MBTPS2: variants seen among roughly 807,000 people sequenced by gnomAD.
MBTPS2 encodes the protein membrane bound transcription factor peptidase, site 2.
MBTPS2 carries 2 observed loss-of-function variants against 35.4 expected under a neutral mutation model. The observed-to-expected ratio is 0.06, with a 90% CI of 0.02 to 0.18. The LOEUF is 0.18. MBTPS2 is among the 10% of genes least tolerant of loss of function. The probability of loss-of-function intolerance (pLI) is 1.00; values close to 1 mark genes in which losing one functional copy is unlikely to be tolerated. For missense variants in MBTPS2, 244 were observed against 386.5 expected (o/e 0.63, Z 3.09); for synonymous variants, 125 against 140.4 (o/e 0.89, Z 0.77).
chrX:21,878,019 A>C, intron 7 of MBTPS2, 23 bp from the exon 8 acceptor site: 2 of 1,024,032 alleles, frequency 2.0e-6, no homozygotes, highest in South Asian at 3.8e-5. Flanking sequence ...AGAGACTCTA[A>C]TAAACAGTGT....
At chrX:21,855,557 G>A (rs2092919775) in intron 5 of MBTPS2, among the ~76,000 whole-genome samples, 2 of 109,175 alleles carry the variant, frequency 1.8e-5, no homozygotes, top group South Asian at 4.1e-4. Flanking sequence ...TCAGCCTCCC[G>A]AGTAGCTAGG....
chrX:21,879,230 A>C (rs764520603), intron 9 of MBTPS2, among the ~76,000 whole-genome samples: 16 of 111,943 alleles, frequency 1.4e-4, no homozygotes, highest in African/African-American at 5.2e-4. Flanking sequence ...ATAGTTTACC[A>C]TGCGATTTAC....
intron 5 of MBTPS2, among the ~76,000 whole-genome samples, chrX:21,867,632 C>CTTT (rs11290067): frequency 2.4e-5 from 2 of 84,311 alleles, no homozygotes; most frequent in African/African-American, 4.5e-5. Context: ...ACGGTTTTCT[C>CTTT]TTTTTTTTTT....
At chrX:21,862,946 ATATATAT>A (rs2092934424) in intron 5 of MBTPS2, among the ~76,000 whole-genome samples, 2 of 50,411 alleles carry the variant, frequency 4.0e-5, no homozygotes, top group African/African-American at 1.7e-4. Flanking sequence ...ATATATATAT[ATATATAT>A]ATATATATAT....
chrX:21,869,261 C>T lies in MBTPS2; in HGVS notation c.790-237C>T, dbSNP rs1321091983. 6.2e-5 allele frequency among the ~76,000 whole-genome samples: 7 copies of T among 112,020 alleles called. No homozygotes were observed. In the Admixed American group the frequency reaches 6.6e-4, roughly 11 times the overall value. ...ATTTTATCATTTTAGTCTTAACAGTCAGCAAGTCGGCTTTTTTTCAATTGT... is the reference window on the plus strand; with the variant it reads ...ATTTTATCATTTTAGTCTTAACAGTTAGCAAGTCGGCTTTTTTTCAATTGT... On this transcript the variant is annotated intron_variant, in intron 6 of 10. Transcript: ENST00000379484.
At chrX:21,881,807 G>A (rs1482445341) in intron 10 of MBTPS2, among the ~76,000 whole-genome samples, 6 of 110,303 alleles carry the variant, frequency 5.4e-5, no homozygotes, top group Non-Finnish European at 1.1e-4. Context: ...GTCTTGGCAT[G>A]CACCTGTAGT....
intron 5 of MBTPS2, chrX:21,856,280 CGCGCCTTTCTCT>C (rs2092921431): frequency 3.5e-6 from 1 of 285,289 alleles, no homozygotes; most frequent in Non-Finnish European, 5.7e-6. Context: ...TCCTCAGTCT[CGCGCCTTTCTCT>C]GCAGCTCGCG....
chrX:21,850,147 G>A (rs2092913362), intron 3 of MBTPS2, among the ~76,000 whole-genome samples: 1 of 110,637 alleles, frequency 9.0e-6, no homozygotes, highest in Non-Finnish European at 1.9e-5. Flanking sequence ...TTAGGTGTGT[G>A]TGTCCAAATA....
At chrX:21,854,744 T>A (rs1390721455) in intron 5 of MBTPS2, among the ~76,000 whole-genome samples, 3 of 112,119 alleles carry the variant, frequency 2.7e-5, no homozygotes, top group Non-Finnish European at 5.6e-5. Flanking sequence ...AAAGTTAGGC[T>A]AAGGTAAAAA....
At chrX:21,849,139 A>G (rs2092911921) in intron 3 of MBTPS2, among the ~76,000 whole-genome samples, 1 of 112,057 alleles carries the variant, frequency 8.9e-6, no homozygotes, top group African/African-American at 3.2e-5. Context: ...CATAGTTTAC[A>G]TTAGGGTTCA....
At chrX:21,878,275 G>T (rs1210329806) in intron 8 of MBTPS2, 139 bp downstream of exon 8, 10 of 527,041 alleles carry the variant, frequency 1.9e-5, no homozygotes, top group Non-Finnish European at 3.2e-5. Context: ...CATTTCACAT[G>T]TCACATTTCA....
chrX:21,881,014 T>C, intron 10 of MBTPS2, 42 bp downstream of exon 10: 4 of 983,535 alleles, frequency 4.1e-6, no homozygotes, highest in Non-Finnish European at 5.8e-6. Context: ...AGTGTGTTAC[T>C]TGGATCTTGA....
At chrX:21,878,277 C>A in intron 8 of MBTPS2, 141 bp downstream of exon 8, 1 of 524,248 alleles carries the variant, frequency 1.9e-6, no homozygotes, top group Non-Finnish European at 3.2e-6. Context: ...TTTCACATGT[C>A]ACATTTCATC....
At position 21,879,946 on chromosome X, in the gene MBTPS2, A is replaced by ATTC. The variant is rs199823572; in HGVS notation, c.1262-948_1262-946dup. On this transcript the variant is annotated intron_variant, in intron 9 of 10. Transcript: ENST00000379484. ...TTAATGGATATGTGGGTTTTATGTT[A>ATTC]TTCTTTTTTTTTTTTTTTTTTTTTG... Among the ~76,000 whole-genome samples the ATTC allele has an allele frequency of 6.4e-3, 258 of 40,479 alleles. 5 individuals are homozygous for ATTC. The highest frequency in any genetic ancestry group is 6.6e-3 in the Non-Finnish European group (170 of 25,940). The allele number at this position is 40,479 out of a possible 115,157, so 35.2% of individuals were successfully genotyped here. A position where few individuals can be genotyped will look rare whatever the true frequency, so the allele number is the denominator to read the frequency against.
chrX:21,856,325 T>G, intron 5 of MBTPS2: 3 of 486,298 alleles, frequency 6.2e-6, no homozygotes, highest in South Asian at 3.2e-5. Flanking sequence ...GCTCGCGCCT[T>G]TCTCTGCAGC....
chrX:21,842,310 G>C (rs2092903445), intron 1 of MBTPS2, among the ~76,000 whole-genome samples: 1 of 111,981 alleles, frequency 8.9e-6, no homozygotes, highest in Non-Finnish European at 1.9e-5. Context: ...TTGAGCCCAA[G>C]ATGGCTTTAG....
chrX:21,864,880 C>CTTTTTTT, intron 5 of MBTPS2, among the ~76,000 whole-genome samples: 1 of 88,526 alleles, frequency 1.1e-5, no homozygotes, highest in Non-Finnish European at 2.3e-5. Flanking sequence ...TTCTTTCTTT[C>CTTTTTTT]TTTTTTTTTT....
At position 21,884,327 on chromosome X, in the gene MBTPS2, T is replaced by C; in HGVS notation, c.*1672T>C. ...GCATAGTAATGCTCAGTCAGACCTG[T>C]TCAAGTAGTAGAGCTTGGAGAATGC... On this transcript the variant is annotated 3_prime_UTR_variant, in exon 11 of 11. Transcript: ENST00000379484. 1 of 711,533 alleles carries C rather than the reference T, an allele frequency of 1.4e-6. No individual in the cohort carries two copies. The highest frequency in any genetic ancestry group is 2.3e-5 in the African/African-American group (1 of 43,029). The allele number at this position is 711,533 out of a possible 1,213,427, so 58.6% of individuals were successfully genotyped here.
At chrX:21,853,012 A>C (rs748688688) in intron 4 of MBTPS2, among the ~76,000 whole-genome samples, 12 of 111,353 alleles carry the variant, frequency 1.1e-4, no homozygotes, top group African/African-American at 3.9e-4. Flanking sequence ...TTCTTCTCTG[A>C]AAATAGTTCA....
Sources: allele counts gnomAD v4.1 joint callset (sites outside exome capture counted in the v4.1 genomes callset), GRCh38; gene constraint gnomAD v4.1.1; transcripts MANE v1.5; gene names NCBI Gene and HGNC (gene_info 2026-07-23, HGNC 2026-07-21).